NOL4: variants seen among roughly 807,000 people sequenced by gnomAD.
NOL4 encodes the protein cancer/testis antigen 125.
In NOL4, 17 loss-of-function variants were observed where a neutral mutation model predicts 75.9. That is an observed-to-expected ratio of 0.22 (90% CI 0.15 to 0.34). NOL4 has a LOEUF of 0.34. Ranked by LOEUF, NOL4 falls within the 10% of genes least tolerant of loss-of-function variation. The pLI is 1.00. For missense variants in NOL4, 614 were observed against 793.5 expected (o/e 0.77, Z 2.72); for synonymous variants, 292 against 289.9 (o/e 1.01, Z -0.07).
intron 10 of NOL4, among the ~76,000 whole-genome samples, chr18:33,863,973 G>A (rs1436554155): frequency 2.0e-5 from 3 of 152,180 alleles, no homozygotes; most frequent in Non-Finnish European, 4.4e-5. Flanking sequence ...CCATGTGGAA[G>A]CCACAAAGGC....
intron 1 of NOL4, among the ~76,000 whole-genome samples, chr18:34,141,610 T>C (rs1355573683): frequency 1.3e-5 from 2 of 152,200 alleles, no homozygotes; most frequent in Non-Finnish European, 2.9e-5. Flanking sequence ...TAAATGGTGC[T>C]GGGAAAACTG....
chr18:33,893,113 A>G (rs375133530), intron 9 of NOL4, among the ~76,000 whole-genome samples: 3 of 152,184 alleles, frequency 2.0e-5, no homozygotes, highest in Non-Finnish European at 4.4e-5. Context: ...TTAAAAATCT[A>G]TAAGAGATTA....
intron 5 of NOL4, among the ~76,000 whole-genome samples, chr18:34,020,248 T>G (rs551713415): frequency 1.8e-4 from 28 of 152,296 alleles, no homozygotes; most frequent in African/African-American, 6.7e-4. Context: ...AAAACAGAAT[T>G]GAGAGAACAG....
At chr18:34,152,795 C>T (rs2081708728) in intron 1 of NOL4, among the ~76,000 whole-genome samples, 2 of 151,778 alleles carry the variant, frequency 1.3e-5, no homozygotes, top group South Asian at 4.1e-4. Context: ...ACACCAAAAA[C>T]ATTTACCACC....
intron 1 of NOL4, among the ~76,000 whole-genome samples, chr18:34,201,371 A>C (rs1302454818): frequency 6.6e-6 from 1 of 151,812 alleles, no homozygotes; most frequent in Non-Finnish European, 1.5e-5. Context: ...CACAGCCAAC[A>C]CATGACAGAG....
chr18:33,983,348 G>A (rs1014892434), intron 6 of NOL4, among the ~76,000 whole-genome samples: 4 of 151,826 alleles, frequency 2.6e-5, no homozygotes, highest in Admixed American at 1.3e-4. Flanking sequence ...TGATGATAAC[G>A]TGTCATTGTA....
Position 33,950,344 on chromosome 18 carries a change from G to A in NOL4, c.1428+6982C>T, listed in dbSNP as rs192880050. Among the ~76,000 whole-genome samples, 173 of 151,904 alleles carry A rather than the reference G, an allele frequency of 1.1e-3. 3 individuals are homozygous for A. Among genetic ancestry groups the A allele is most frequent in the African/African-American group, 3.9e-3 (163 of 41,444 alleles). ...TATTAGGCTATATTTTCAGTTAGTA[G>A]TAGCTTTTAAAATTAAAATACCAGT... On this transcript the variant is annotated intron_variant, in intron 8 of 10. Transcript: ENST00000261592.
chr18:33,985,905 C>G (rs1288911616), intron 6 of NOL4, among the ~76,000 whole-genome samples: 2 of 152,058 alleles, frequency 1.3e-5, no homozygotes, highest in Admixed American at 1.3e-4. Flanking sequence ...ATGGTTATCA[C>G]CTACTTACAT....
intron 2 of NOL4, among the ~76,000 whole-genome samples, chr18:34,110,128 CAAAAAAAAAAAAAAAAAAAAAAA>C: frequency 2.1e-5 from 1 of 47,860 alleles, no homozygotes; most frequent in South Asian, 1.6e-3. Flanking sequence ...CGCCCTCCCA[CAAAAAAAAAAAAAAAAAAAAAAA>C]AAAAAAAAAA....
At chr18:34,128,456 T>A (rs1345176577) in intron 2 of NOL4, among the ~76,000 whole-genome samples, 1 of 151,966 alleles carries the variant, frequency 6.6e-6, no homozygotes, top group African/African-American at 2.4e-5. Flanking sequence ...AATATACATT[T>A]ATTTTTTCCT....
chr18:33,896,809 A>G (rs769837245), intron 9 of NOL4, among the ~76,000 whole-genome samples: 1 of 152,204 alleles, frequency 6.6e-6, no homozygotes, highest in Non-Finnish European at 1.5e-5. Context: ...ACTGCAAAAG[A>G]AACTATCAAC....
chr18:33,904,563 C>A (rs1023889774), intron 9 of NOL4, among the ~76,000 whole-genome samples: 1 of 152,038 alleles, frequency 6.6e-6, no homozygotes, highest in Non-Finnish European at 1.5e-5. Context: ...CAATAAGATA[C>A]CAAATCATAA....
chr18:33,974,407 T>C (rs554465739), intron 6 of NOL4, among the ~76,000 whole-genome samples: 1 of 152,330 alleles, frequency 6.6e-6, no homozygotes, highest in South Asian at 2.1e-4. Flanking sequence ...TTTCTTATTA[T>C]TCATGTGCTC....
At chr18:34,011,593 T>C (rs1281581234) in intron 6 of NOL4, among the ~76,000 whole-genome samples, 1 of 151,360 alleles carries the variant, frequency 6.6e-6, no homozygotes, top group Non-Finnish European at 1.5e-5. Flanking sequence ...TTCTTAACGA[T>C]AGAACTCAAG....
intron 9 of NOL4, among the ~76,000 whole-genome samples, chr18:33,896,091 C>A (rs560331305): frequency 6.6e-6 from 1 of 151,910 alleles, no homozygotes; most frequent in Non-Finnish European, 1.5e-5. Context: ...ATACAGCTAA[C>A]GAGGGAGGTG....
intron 5 of NOL4, among the ~76,000 whole-genome samples, chr18:34,053,097 G>A (rs1203390321): frequency 6.6e-6 from 1 of 151,914 alleles, no homozygotes; most frequent in African/African-American, 2.4e-5. Flanking sequence ...AACATACATT[G>A]CTAATAGGTA....
intron 9 of NOL4, among the ~76,000 whole-genome samples, chr18:33,905,197 T>A (rs1036150666): frequency 6.6e-6 from 1 of 152,158 alleles, no homozygotes; most frequent in Non-Finnish European, 1.5e-5. Context: ...TAACTTCTGT[T>A]CATGACTTTT....
chr18:33,916,775 T>C (rs916096780), intron 9 of NOL4, among the ~76,000 whole-genome samples: 1 of 152,218 alleles, frequency 6.6e-6, no homozygotes, highest in African/African-American at 2.4e-5. Flanking sequence ...TGTTTAGGTA[T>C]AACTTCAGAT....
chr18:33,931,462 G>A (rs1047729075), intron 9 of NOL4, among the ~76,000 whole-genome samples: 2 of 152,124 alleles, frequency 1.3e-5, no homozygotes, highest in East Asian at 1.9e-4. Flanking sequence ...TGAGCACAGT[G>A]GCTCATGCCT....
Sources: allele counts gnomAD v4.1 joint callset (sites outside exome capture counted in the v4.1 genomes callset), GRCh38; gene constraint gnomAD v4.1.1; transcripts MANE v1.5; gene names NCBI Gene and HGNC (gene_info 2026-07-23, HGNC 2026-07-21).